Variants in DLGAP1 observed in about 807,000 individuals in gnomAD.
The protein encoded by DLGAP1 is DLG associated protein 1, also known as disks large-associated protein 1.
In DLGAP1, 11 loss-of-function variants were observed where a neutral mutation model predicts 90.8. That is an observed-to-expected ratio of 0.12 (90% CI 0.08 to 0.20). The LOEUF (loss-of-function observed/expected upper bound fraction) is 0.20. DLGAP1 is among the 10% of genes least tolerant of loss of function. DLGAP1 has a pLI of 1.00. For synonymous variants in DLGAP1, 558 were observed against 540.7 expected (o/e 1.03, Z -0.44); for missense variants, 1,050 against 1,333.8 (o/e 0.79, Z 3.31).
At chr18:3,572,931 T>C (rs2145225295) in intron 8 of DLGAP1, among the ~76,000 whole-genome samples, 1 of 152,292 alleles carries the variant, frequency 6.6e-6, no homozygotes, top group African/African-American at 2.4e-5. Context: ...TTTTATTTCA[T>C]TTTTCTTACT....
chr18:4,344,458 A>T (rs948125071), intron 1 of DLGAP1, among the ~76,000 whole-genome samples: 2 of 152,192 alleles, frequency 1.3e-5, no homozygotes, highest in Non-Finnish European at 2.9e-5. Context: ...ATGTCATCTC[A>T]ACTATAATTT....
rs16945452 is a variant in DLGAP1, at chr18:3,820,387, T to C, written c.958-6114A>G. 5.9e-3 allele frequency among the ~76,000 whole-genome samples: 899 copies of C among 152,268 alleles called. 10 individuals are homozygous for C. Among genetic ancestry groups the C allele is most frequent in the African/African-American group, 0.02 (814 of 41,544 alleles). On this transcript the variant is annotated intron_variant, in intron 4 of 12. Coordinates refer to ENST00000315677, the MANE Select transcript of DLGAP1 (RefSeq NM_004746.4). ...GTACATAAAGCAAAGTTCTATTTCA[T>C]CAGGAACCAAAGAACTGGGAGGAAG...
intron 1 of DLGAP1, among the ~76,000 whole-genome samples, chr18:4,318,903 G>A (rs1042814489): frequency 6.6e-6 from 1 of 152,158 alleles, no homozygotes; most frequent in African/African-American, 2.4e-5. Context: ...TTGGATAGGA[G>A]GAATATGTTC....
chr18:4,157,299 T>C (rs2076773113), intron 1 of DLGAP1, among the ~76,000 whole-genome samples: 1 of 152,202 alleles, frequency 6.6e-6, no homozygotes, highest in Non-Finnish European at 1.5e-5. Flanking sequence ...CATAAACTAT[T>C]ATGTAGGTTT....
At chr18:4,230,619 T>C (rs1267930565) in intron 1 of DLGAP1, among the ~76,000 whole-genome samples, 3 of 150,792 alleles carry the variant, frequency 2.0e-5, no homozygotes, top group Non-Finnish European at 3.0e-5. Flanking sequence ...AGAATGATGG[T>C]TGTCAGATGC....
intron 1 of DLGAP1, among the ~76,000 whole-genome samples, chr18:4,371,639 T>C (rs575351309): frequency 8.5e-5 from 13 of 152,236 alleles, no homozygotes; most frequent in Non-Finnish European, 1.5e-4. Context: ...TTGGGCTTTA[T>C]GTATCTAAGT....
intron 5 of DLGAP1, among the ~76,000 whole-genome samples, chr18:3,772,391 T>TCCTTCCTTC: frequency 3.7e-5 from 1 of 27,140 alleles, no homozygotes; most frequent in African/African-American, 9.5e-5. Context: ...TTTCTTTCTT[T>TCCTTCCTTC]CTTTCTTTCT....
chr18:3,556,617 C>T (rs920645699), intron 9 of DLGAP1, among the ~76,000 whole-genome samples: 2 of 152,004 alleles, frequency 1.3e-5, no homozygotes, highest in Non-Finnish European at 2.9e-5. Flanking sequence ...GAATAATATT[C>T]TATTATCTGT....
chr18:4,326,049 G>C (rs991013066), intron 1 of DLGAP1, among the ~76,000 whole-genome samples: 1 of 151,904 alleles, frequency 6.6e-6, no homozygotes, highest in African/African-American at 2.4e-5. Context: ...ACATTACAAA[G>C]AAACTATCAA....
At chr18:3,625,250 C>T (rs2058249439) in intron 7 of DLGAP1, among the ~76,000 whole-genome samples, 1 of 152,194 alleles carries the variant, frequency 6.6e-6, no homozygotes, top group Non-Finnish European at 1.5e-5. Flanking sequence ...TACACTCCAC[C>T]TATTTGCTTA....
chr18:4,409,636 T>C (rs910734402), intron 1 of DLGAP1, among the ~76,000 whole-genome samples: 5 of 152,304 alleles, frequency 3.3e-5, no homozygotes, highest in East Asian at 1.9e-4. Context: ...TGGTATCGCA[T>C]TGTGGTTTTG....
intron 8 of DLGAP1, among the ~76,000 whole-genome samples, chr18:3,577,565 C>T (rs1442616551): frequency 6.6e-6 from 1 of 152,176 alleles, no homozygotes; most frequent in East Asian, 1.9e-4. Context: ...GTAGTTATTT[C>T]CCTGAAGAAG....
At chr18:4,429,137 A>C (rs999452522) in intron 1 of DLGAP1, among the ~76,000 whole-genome samples, 2 of 152,230 alleles carry the variant, frequency 1.3e-5, no homozygotes, top group African/African-American at 4.8e-5. Context: ...TCAGTATATG[A>C]AATTCTATGA....
chr18:4,341,220 G>A (rs1423570560), intron 1 of DLGAP1, among the ~76,000 whole-genome samples: 4 of 151,878 alleles, frequency 2.6e-5, no homozygotes, highest in Admixed American at 6.6e-5. Flanking sequence ...GTGAAGAAGA[G>A]GGGAAAGTAG....
intron 7 of DLGAP1, among the ~76,000 whole-genome samples, chr18:3,678,284 C>T (rs1304376062): frequency 6.6e-6 from 1 of 151,966 alleles, no homozygotes; most frequent in Non-Finnish European, 1.5e-5. Flanking sequence ...TTTTAACATA[C>T]CTTGGCCTTT....
intron 1 of DLGAP1, among the ~76,000 whole-genome samples, chr18:4,236,176 A>G (rs1317526018): frequency 6.6e-6 from 1 of 152,190 alleles, no homozygotes; most frequent in Non-Finnish European, 1.5e-5. Flanking sequence ...TGAGGATAAA[A>G]TAATATTACC....
Position 4,273,899 on chromosome 18 carries a change from T to G in DLGAP1, c.-266-122612A>C, listed in dbSNP as rs189178028. On this transcript the variant is annotated intron_variant, in intron 1 of 12. Transcript: ENST00000315677. ...GATTTTAGTAATTTGTCTTCTCTCT[T>G]TTTTTTCTTGATCATCAGTCTAGCT... Among the ~76,000 whole-genome samples the G allele has an allele frequency of 2.2e-3, 201 of 93,394 alleles. 2 individuals are homozygous for G. Among genetic ancestry groups the G allele is most frequent in the Admixed American group, 4.1e-3 (40 of 9,724 alleles). The allele number at this position is 93,394 out of a possible 152,430, so 61.3% of individuals were successfully genotyped here.
chr18:4,034,158 C>T (rs922971301), intron 2 of DLGAP1, among the ~76,000 whole-genome samples: 10 of 151,346 alleles, frequency 6.6e-5, no homozygotes, highest in African/African-American at 2.4e-4. Flanking sequence ...TCTCCTGCCT[C>T]AGCCTCCCGA....
At chr18:3,611,600 A>AG (rs2057632008) in intron 7 of DLGAP1, among the ~76,000 whole-genome samples, 1 of 152,176 alleles carries the variant, frequency 6.6e-6, no homozygotes, top group Non-Finnish European at 1.5e-5. Context: ...ATTACATAGC[A>AG]GGACCCGCTG....
Sources: allele counts gnomAD v4.1 joint callset (sites outside exome capture counted in the v4.1 genomes callset), GRCh38; gene constraint gnomAD v4.1.1; transcripts MANE v1.5; gene names NCBI Gene and HGNC (gene_info 2026-07-23, HGNC 2026-07-21).